EFR3B: variants seen among roughly 807,000 people sequenced by gnomAD.
The protein encoded by EFR3B is protein EFR3 homolog B.
EFR3B carries 64 observed loss-of-function variants against 104.7 expected under a neutral mutation model. The ratio of observed to expected loss-of-function variants is 0.61; its 90% CI spans 0.50 to 0.75. The LOEUF (loss-of-function observed/expected upper bound fraction) is 0.75, where lower values mean the gene tolerates loss of function less well. Among genes scored for constraint, EFR3B ranks in the 30% least tolerant of loss-of-function variants. The pLI is 0.00. For synonymous variants in EFR3B, 385 were observed against 417.9 expected (o/e 0.92, Z 0.96); for missense variants, 750 against 1,078.5 (o/e 0.70, Z 4.27).
chr2:25,093,605 A>ATGC (rs1669196230), intron 3 of EFR3B, among the ~76,000 whole-genome samples: 1 of 152,172 alleles, frequency 6.6e-6, no homozygotes, highest in Non-Finnish European at 1.5e-5. Flanking sequence ...GTCTAGTGTG[A>ATGC]TGCTGCTGCT....
At chr2:25,148,921 C>CAAAAAA (rs57218512) in intron 19 of EFR3B, among the ~76,000 whole-genome samples, 1 of 68,476 alleles carries the variant, frequency 1.5e-5, no homozygotes, top group Non-Finnish European at 2.7e-5. Context: ...GACTCCGTCT[C>CAAAAAA]AAAAAAAAAA....
intron 4 of EFR3B, among the ~76,000 whole-genome samples, chr2:25,104,591 C>T (rs1356853179): frequency 6.6e-6 from 1 of 152,138 alleles, no homozygotes; most frequent in Non-Finnish European, 1.5e-5. Flanking sequence ...GGGCTCTCAC[C>T]ACTCAGCACG....
rs1177195540 is a variant in EFR3B, at chr2:25,131,546, AG to A, written c.985+45del. On this transcript the variant is annotated intron_variant, in intron 9 of 22. Coordinates refer to ENST00000403714, the MANE Select transcript of EFR3B (RefSeq NM_014971.2). This position sits in a 1 kb window ranked among gnomAD's most constrained non-coding sequence, Gnocchi z 7.6. ...GGCCTGAGGGCCGGGGACCCCGCGGAGGCTGCCGCCTCTTACAGAGAGAGGC... is the reference window on the plus strand; with the variant it reads ...GGCCTGAGGGCCGGGGACCCCGCGGAGCTGCCGCCTCTTACAGAGAGAGGC... 6 of 1,543,868 alleles carry A rather than the reference AG, an allele frequency of 3.9e-6. No homozygotes were observed. The highest frequency in any genetic ancestry group is 5.2e-6 in the Non-Finnish European group (6 of 1,143,910).
At chr2:25,059,923 G>A (rs1307564443) in intron 1 of EFR3B, among the ~76,000 whole-genome samples, 6 of 148,366 alleles carry the variant, frequency 4.0e-5, no homozygotes, top group African/African-American at 1.5e-4. Flanking sequence ...GCCAGGTGCA[G>A]TGGCTTAGGC....
At chr2:25,113,269 C>A (rs1669771417) in intron 4 of EFR3B, among the ~76,000 whole-genome samples, 1 of 152,042 alleles carries the variant, frequency 6.6e-6, no homozygotes, top group Non-Finnish European at 1.5e-5. Context: ...AAACAAAAAA[C>A]CATGATCTTT....
intron 20 of EFR3B, among the ~76,000 whole-genome samples, chr2:25,150,300 C>CAAAAAAAAAAAAAAAAAAAA (rs533611175): frequency 1.6e-5 from 1 of 62,830 alleles, no homozygotes. Flanking sequence ...ACTCCCATCT[C>CAAAAAAAAAAAAAAAAAAAA]AAAAAAAAAA....
intron 1 of EFR3B, among the ~76,000 whole-genome samples, chr2:25,067,461 G>A (rs1207482049): frequency 6.7e-6 from 1 of 149,504 alleles, no homozygotes; most frequent in South Asian, 2.1e-4. Context: ...TTGAGATAGA[G>A]TCTCACTCTG....
At chr2:25,108,014 A>C (rs2149193938) in intron 4 of EFR3B, among the ~76,000 whole-genome samples, 1 of 151,980 alleles carries the variant, frequency 6.6e-6, no homozygotes, top group East Asian at 1.9e-4. Context: ...TTGTATTTTT[A>C]GTAGGGATGG....
intron 1 of EFR3B, chr2:25,080,719 T>A (rs555200258): frequency 2.2e-5 from 23 of 1,029,632 alleles, no homozygotes; most frequent in Non-Finnish European, 3.2e-5. Flanking sequence ...ATTTTCATCT[T>A]CTTGGGTTCA....
chr2:25,089,153 GAGA>G (rs1348693657), intron 1 of EFR3B, among the ~76,000 whole-genome samples: 3 of 152,286 alleles, frequency 2.0e-5, no homozygotes, highest in East Asian at 1.9e-4. Flanking sequence ...GTTTTCATTT[GAGA>G]AGAACTGAGT....
At chr2:25,104,079 G>A (rs1296310481) in intron 4 of EFR3B, among the ~76,000 whole-genome samples, 1 of 152,058 alleles carries the variant, frequency 6.6e-6, no homozygotes, top group Non-Finnish European at 1.5e-5. Context: ...CAGGCACAGT[G>A]GCTCACACTT....
intron 2 of EFR3B, 24 bp downstream of exon 2, chr2:25,091,425 T>A (rs774473963): frequency 1.2e-5 from 18 of 1,542,296 alleles, no homozygotes; most frequent in Non-Finnish European, 1.6e-5. Context: ...CTGGCAGGCA[T>A]CGTGGCTCTC....
chr2:25,133,902 G>A (rs1016709017), intron 12 of EFR3B, among the ~76,000 whole-genome samples: 2 of 152,100 alleles, frequency 1.3e-5, no homozygotes, highest in African/African-American at 4.8e-5. Context: ...AGCCATCACT[G>A]GAGTCTAGAT....
At chr2:25,145,216 C>T (rs1558620460) in intron 19 of EFR3B, 165 bp downstream of exon 19, 2 of 643,084 alleles carry the variant, frequency 3.1e-6, no homozygotes, top group Non-Finnish European at 5.5e-6. Flanking sequence ...GTCATAGATA[C>T]TTCCCTTCGG....
At chr2:25,127,482 GGTA>G (rs759223452) in intron 5 of EFR3B, among the ~76,000 whole-genome samples, 2 of 152,136 alleles carry the variant, frequency 1.3e-5, no homozygotes, top group African/African-American at 2.4e-5. Flanking sequence ...TAGTGGTGGT[GGTA>G]GTGGTAAATC....
At chr2:25,142,714 A>C (rs1319793674) in intron 17 of EFR3B, among the ~76,000 whole-genome samples, 1 of 151,594 alleles carries the variant, frequency 6.6e-6, no homozygotes, top group Non-Finnish European at 1.5e-5. Context: ...AGCTGAGATC[A>C]TGTCACTGCA....
chr2:25,072,519 C>T (rs913240968), intron 1 of EFR3B, among the ~76,000 whole-genome samples: 3 of 152,040 alleles, frequency 2.0e-5, no homozygotes, highest in Admixed American at 6.6e-5. Context: ...TGGGCCCAAG[C>T]GATCCTCCCA....
chr2:25,107,637 C>T (rs1204259296), intron 4 of EFR3B, among the ~76,000 whole-genome samples: 1 of 152,064 alleles, frequency 6.6e-6, no homozygotes, highest in African/African-American at 2.4e-5. Context: ...TTTCTTCTCT[C>T]CCTCTCCATA....
At chr2:25,141,009 C>A (rs1472016284) in intron 16 of EFR3B, among the ~76,000 whole-genome samples, 1 of 136,402 alleles carries the variant, frequency 7.3e-6, no homozygotes, top group Non-Finnish European at 1.5e-5. Context: ...CCATTGCACT[C>A]TAGCCTGGAC....
Sources: gnomAD v4.1 joint callset for allele counts (sites outside exome capture counted in the v4.1 genomes callset) on GRCh38, gnomAD v4.1.1 for gene constraint, Gnocchi (gnomAD v3.1) non-coding constraint, MANE v1.5 for transcripts, NCBI Gene and HGNC (gene_info 2026-07-23, HGNC 2026-07-21) for gene names.